The following PCDH15 variants were observed in gnomAD, a reference collection of about 807,000 sequenced individuals.
The protein encoded by PCDH15 is protocadherin related 15.
In PCDH15, 129 loss-of-function variants were observed where a neutral mutation model predicts 178.5. The observed-to-expected ratio is 0.72, with a 90% confidence interval of 0.63 to 0.84. PCDH15 has a LOEUF of 0.84. Ranked by LOEUF, PCDH15 falls within the 40% of genes least tolerant of loss-of-function variation. The pLI, the probability that PCDH15 is intolerant of heterozygous loss-of-function variation, is 0.00. For synonymous variants in PCDH15, 800 were observed against 732.0 expected (o/e 1.09, Z -1.50); for missense variants, 2,230 against 2,099.9 (o/e 1.06, Z -1.21).
chr10:54,792,564 T>C (rs1435373700), intron 1 of PCDH15, among the ~76,000 whole-genome samples: 1 of 151,942 alleles, frequency 6.6e-6, no homozygotes, highest in Non-Finnish European at 1.5e-5. Context: ...TCTAAACCAC[T>C]GAAGTCCCGA....
At chr10:54,236,696 T>A (rs1382924038) in intron 9 of PCDH15, 127 bp downstream of exon 9, 1 of 827,216 alleles carries the variant, frequency 1.2e-6, no homozygotes, top group African/African-American at 1.7e-5. Flanking sequence ...AATGTGTTTA[T>A]ACACAAAAGT....
At chr10:55,355,423 T>C (rs2441768) in intron 2 of PCDH15, among the ~76,000 whole-genome samples, 4,120 of 152,096 alleles carry the variant, frequency 0.027, 187 homozygotes, top group African/African-American at 0.093. Context: ...TTGTTTATTG[T>C]GTGTGATATT....
chr10:53,850,824 G>C (rs1430578285), intron 28 of PCDH15, among the ~76,000 whole-genome samples: 1 of 152,064 alleles, frequency 6.6e-6, no homozygotes, highest in African/African-American at 2.4e-5. Flanking sequence ...TAAGTATGCT[G>C]AGAGAAAATT....
intron 1 of PCDH15, among the ~76,000 whole-genome samples, chr10:55,315,379 A>C (rs1293017030): frequency 2.0e-5 from 3 of 152,188 alleles, no homozygotes; most frequent in African/African-American, 7.2e-5. Flanking sequence ...AATATACTAG[A>C]GTTTAATTCA....
In PCDH15 at chr10:55,437,832, CTTTTTT is replaced by C. The variant is rs778307616; in HGVS notation, c.-156+189787_-156+189792del. On this transcript the variant is annotated intron_variant, in intron 2 of 5. Coordinates refer to the PCDH15 transcript ENST00000613346. ...CCAAATTGTCTTTCTTATTGCTTTT[CTTTTTT>C]TTTTTTTTTTTTTTTTCAGACGGAG... 2.6e-4 allele frequency among the ~76,000 whole-genome samples: 22 copies of C among 85,148 alleles called. No individual in the cohort carries two copies. In the East Asian group the frequency reaches 4.1e-3, roughly 16 times the overall value. The allele number at this position is 85,148 out of a possible 152,430, so 55.9% of individuals were successfully genotyped here.
At chr10:54,858,582 T>C (rs957773389) in intron 3 of PCDH15, among the ~76,000 whole-genome samples, 1 of 152,042 alleles carries the variant, frequency 6.6e-6, no homozygotes, top group Admixed American at 6.6e-5. Context: ...TGCATGGGAG[T>C]GCTTCTTTGT....
chr10:53,863,181 T>C (rs1480451983), intron 27 of PCDH15, among the ~76,000 whole-genome samples: 1 of 152,188 alleles, frequency 6.6e-6, no homozygotes, highest in Non-Finnish European at 1.5e-5. Context: ...GCGCTTTTAC[T>C]ATGTAGATGA....
chr10:54,157,394 C>T (rs1334581408), intron 13 of PCDH15, among the ~76,000 whole-genome samples: 3 of 152,220 alleles, frequency 2.0e-5, no homozygotes, highest in African/African-American at 7.2e-5. Flanking sequence ...AGGCTTGGAG[C>T]TTGAAACCTC....
At chr10:54,187,768 C>T (rs1342765158) in intron 11 of PCDH15, among the ~76,000 whole-genome samples, 1 of 151,766 alleles carries the variant, frequency 6.6e-6, no homozygotes, top group Non-Finnish European at 1.5e-5. Flanking sequence ...ATAACATTTA[C>T]ATTTATGTAT....
intron 2 of PCDH15, among the ~76,000 whole-genome samples, chr10:55,332,019 G>A (rs962505545): frequency 2.0e-5 from 3 of 151,840 alleles, no homozygotes; most frequent in African/African-American, 7.3e-5. Flanking sequence ...TCACTACAAG[G>A]GAAATTAACT....
Position 54,066,817 on chromosome 10 carries a change from A to T in PCDH15, c.2160T>A (p.Tyr720Ter). ...CCACCACAGATAAATTTCTTGGCAG[A>T]TAAGGATCAAACACTGGAGCATTGT... ...VNDNAPVFDP[Y>*]LPRNLSVVEE... Residue 720 changes from tyrosine (Y) to a stop codon, truncating the protein, a stop_gained, in exon 18 of 38, where the codon TAT (tyrosine) becomes TAA (stop). Transcript: ENST00000644397. LOFTEE classifies it high-confidence loss of function. 1 of 1,613,540 alleles carries T rather than the reference A, an allele frequency of 6.2e-7. No homozygotes were observed. The highest frequency in any genetic ancestry group is 8.5e-7 in the Non-Finnish European group (1 of 1,179,642).
At chr10:55,536,694 T>G (rs575892027) in intron 2 of PCDH15, among the ~76,000 whole-genome samples, 15 of 152,296 alleles carry the variant, frequency 9.8e-5, no homozygotes, top group African/African-American at 2.6e-4. Context: ...CTGCTCTCTC[T>G]TATTTAATTT....
Position 54,195,694 on chromosome 10 carries a change from C to T in PCDH15, c.1294G>A (p.Asp432Asn), listed in dbSNP as rs1305617323. ...SPLRIVALDKDIEDTKDPELH... is the reference protein window; with the variant it reads ...SPLRIVALDKNIEDTKDPELH... The stretch of plus-strand genomic sequence containing the variant: ...TGTATTTAACTTACATCTTCTATGT[C>T]CTTGTCCAGAGCTACTATTCTTAAA... Residue 432 changes from aspartate to asparagine, a missense_variant, in exon 11 of 38, where the codon GAC (aspartate) becomes AAC (asparagine). Coordinates refer to ENST00000644397, the MANE Select transcript of PCDH15 (RefSeq NM_001384140.1). 1.2e-6 allele frequency: 2 copies of T among 1,613,290 alleles called. No homozygotes were observed. Among genetic ancestry groups the T allele is most frequent in the South Asian group, 2.2e-5 (2 of 91,062 alleles).
At chr10:53,874,617 TTTCAAAAA>T (rs2080095312) in intron 26 of PCDH15, among the ~76,000 whole-genome samples, 2 of 152,110 alleles carry the variant, frequency 1.3e-5, no homozygotes, top group African/African-American at 4.8e-5. Context: ...GCAGGTGCTT[TTTCAAAAA>T]CCCCTCCTGC....
chr10:53,966,982 C>A (rs2089100505), intron 21 of PCDH15, among the ~76,000 whole-genome samples: 1 of 152,026 alleles, frequency 6.6e-6, no homozygotes, highest in Admixed American at 6.6e-5. Flanking sequence ...TAGCTCACTG[C>A]AGCTCACACA....
At chr10:54,146,158 T>A (rs752574539) in intron 14 of PCDH15, among the ~76,000 whole-genome samples, 2 of 152,040 alleles carry the variant, frequency 1.3e-5, no homozygotes, top group Non-Finnish European at 2.9e-5. Context: ...TTACTAATGA[T>A]AAACTTAGCA....
At chr10:54,936,229 C>A (rs77428052) in intron 2 of PCDH15, among the ~76,000 whole-genome samples, 7 of 151,896 alleles carry the variant, frequency 4.6e-5, no homozygotes, top group African/African-American at 7.2e-5. Flanking sequence ...TATTTTATTG[C>A]CATATTAAAT....
intron 3 of PCDH15, among the ~76,000 whole-genome samples, chr10:54,867,989 T>C (rs748694640): frequency 3.1e-4 from 47 of 152,178 alleles, no homozygotes; most frequent in Non-Finnish European, 6.6e-4. Context: ...TACAAAAATA[T>C]GTATATGAGG....
intron 2 of PCDH15, among the ~76,000 whole-genome samples, chr10:55,612,911 C>T (rs1986389): frequency 1.3e-5 from 2 of 151,442 alleles, no homozygotes; most frequent in African/African-American, 4.9e-5. Context: ...AATATACAAA[C>T]TATATTATTA....
Sources: gnomAD v4.1 joint callset for allele counts (sites outside exome capture counted in the v4.1 genomes callset) on GRCh38, gnomAD v4.1.1 for gene constraint, MANE v1.5 for transcripts, NCBI Gene and HGNC (gene_info 2026-07-23, HGNC 2026-07-21) for gene names.